MCTP2: variants seen among roughly 807,000 people sequenced by gnomAD.
MCTP2 encodes the protein multiple C2 and transmembrane domain-containing protein 2.
Under a neutral mutation model 111.6 loss-of-function variants are expected in MCTP2, and 132 were observed. That is an observed-to-expected ratio of 1.18 (90% CI 1.03 to 1.37). The LOEUF is 1.37. Among genes scored for constraint, MCTP2 ranks in the 40% most tolerant of loss-of-function variants. The pLI is 0.00. For missense variants in MCTP2, 1,183 were observed against 1,067.9 expected, an observed-to-expected ratio of 1.11 and a Z score of -1.50; for synonymous variants, 395 against 387.7, an observed-to-expected ratio of 1.02 and a Z score of -0.22.
chr15:94,390,357 A>C (rs1436453719), intron 14 of MCTP2, among the ~76,000 whole-genome samples: 2 of 152,106 alleles, frequency 1.3e-5, no homozygotes, highest in Non-Finnish European at 2.9e-5. Flanking sequence ...TTAATCTTCT[A>C]ATCAGTAACA....
At chr15:94,349,359 TCTCA>T (rs2078172153) in intron 8 of MCTP2, among the ~76,000 whole-genome samples, 1 of 152,182 alleles carries the variant, frequency 6.6e-6, no homozygotes, top group Non-Finnish European at 1.5e-5. Flanking sequence ...CCCCAAAACC[TCTCA>T]CTGAGCACAT....
chr15:94,476,549 C>G, intron 21 of MCTP2, 147 bp from the exon 22 acceptor site: 1 of 530,176 alleles, frequency 1.9e-6, no homozygotes, highest in Non-Finnish European at 3.3e-6. Context: ...ATCCCCTCTC[C>G]CCCGAGTCAG....
At chr15:94,376,298 A>G (rs1326599511) in intron 12 of MCTP2, among the ~76,000 whole-genome samples, 3 of 152,188 alleles carry the variant, frequency 2.0e-5, no homozygotes, top group African/African-American at 7.2e-5. Flanking sequence ...ATTCAGCCTT[A>G]ACTAAACCAG....
chr15:94,435,694 C>T (rs28497760), intron 17 of MCTP2, among the ~76,000 whole-genome samples: 2,838 of 123,362 alleles, frequency 0.023, 255 homozygotes, highest in African/African-American at 0.078. Context: ...TGCAGTGGCG[C>T]GATCTCGGCT....
chr15:94,326,496 T>A (rs942579061), intron 4 of MCTP2, among the ~76,000 whole-genome samples: 1 of 152,178 alleles, frequency 6.6e-6, no homozygotes, highest in African/African-American at 2.4e-5. Context: ...AAAGACCTAT[T>A]TGTTGACCTA....
intron 1 of MCTP2, among the ~76,000 whole-genome samples, chr15:94,242,989 G>A (rs1387153027): frequency 1.0e-5 from 1 of 95,318 alleles, no homozygotes; most frequent in African/African-American, 4.2e-5. Flanking sequence ...ACATACACGT[G>A]TATATGTGTA....
At chr15:94,258,611 G>A (rs950850469) in intron 1 of MCTP2, among the ~76,000 whole-genome samples, 2 of 152,152 alleles carry the variant, frequency 1.3e-5, no homozygotes, top group East Asian at 1.9e-4. Flanking sequence ...GGTAGTTACC[G>A]AAAACCCTAT....
intron 1 of MCTP2, among the ~76,000 whole-genome samples, chr15:94,265,376 C>A (rs1234935895): frequency 6.6e-6 from 1 of 152,142 alleles, no homozygotes; most frequent in Non-Finnish European, 1.5e-5. Context: ...CAAGGGGTCA[C>A]GTGGACTTGG....
At chr15:94,259,782 T>C (rs2073071501) in intron 1 of MCTP2, among the ~76,000 whole-genome samples, 1 of 152,214 alleles carries the variant, frequency 6.6e-6, no homozygotes, top group African/African-American at 2.4e-5. Context: ...AGGATACTGC[T>C]TTTTGATGGA....
At chr15:94,345,938 T>C (rs1202593713) in intron 8 of MCTP2, among the ~76,000 whole-genome samples, 1 of 152,144 alleles carries the variant, frequency 6.6e-6, no homozygotes, top group African/African-American at 2.4e-5. Context: ...TGGTGGTGTG[T>C]GTGATCGGAA....
intron 17 of MCTP2, among the ~76,000 whole-genome samples, chr15:94,427,567 G>A (rs191598972): frequency 6.6e-6 from 1 of 152,256 alleles, no homozygotes; most frequent in Admixed American, 6.5e-5. Context: ...CACGAGAACA[G>A]CAAGGGAGAG....
At chr15:94,245,318 A>T (rs1024726417) in intron 1 of MCTP2, among the ~76,000 whole-genome samples, 1 of 141,908 alleles carries the variant, frequency 7.0e-6, no homozygotes, top group African/African-American at 2.5e-5. Context: ...ATATGTACAT[A>T]TATTTACATA....
intron 12 of MCTP2, among the ~76,000 whole-genome samples, chr15:94,382,603 G>A (rs2080206388): frequency 6.6e-6 from 1 of 152,250 alleles, no homozygotes; most frequent in African/African-American, 2.4e-5. Context: ...GCAAGTATCA[G>A]TATCTCTATT....
At chr15:94,396,452 GTATA>G (rs1032700860) in intron 14 of MCTP2, among the ~76,000 whole-genome samples, 1 of 151,864 alleles carries the variant, frequency 6.6e-6, no homozygotes, top group Non-Finnish European at 1.5e-5. Flanking sequence ...GTGTGTGTGT[GTATA>G]TATATATGTT....
intron 1 of MCTP2, among the ~76,000 whole-genome samples, chr15:94,280,920 G>A (rs1359275426): frequency 5.3e-5 from 8 of 151,692 alleles, no homozygotes; most frequent in Non-Finnish European, 1.2e-4. Flanking sequence ...TTTTGTTTTC[G>A]TTTTTGTTTT....
At chr15:94,437,886 C>T (rs907828897) in intron 17 of MCTP2, among the ~76,000 whole-genome samples, 1 of 151,480 alleles carries the variant, frequency 6.6e-6, no homozygotes, top group African/African-American at 2.4e-5. Flanking sequence ...GGGATCATTA[C>T]AGGAATTTAG....
At chr15:94,404,076 T>C (rs2081762843) in intron 17 of MCTP2, among the ~76,000 whole-genome samples, 1 of 152,208 alleles carries the variant, frequency 6.6e-6, no homozygotes, top group Admixed American at 6.5e-5. Context: ...ATTTAGACCA[T>C]GTGTATGTTG....
rs758490247 is a variant in MCTP2, at chr15:94,440,178, A to G, written c.2088A>G (p.Val696=). The stretch of plus-strand genomic sequence containing the variant: ...ATTCTTATTTGTCTTTCAATCAGGT[A>G]TTTTTGATCACTGTCTGGAATTTTG... ...STLRSTIAFA[V]FLITVWNFEL... is the part of the protein sequence containing the mutation. The change falls in exon 18 of 23, where the codon GTA becomes GTG. Residue 696 remains valine (V), a splice_region_variant and synonymous_variant. Transcript: ENST00000357742. 8 of 1,613,864 alleles carry G rather than the reference A, an allele frequency of 5.0e-6. No individual in the cohort carries two copies. The highest frequency in any genetic ancestry group is 6.8e-6 in the Non-Finnish European group (8 of 1,179,898).
At chr15:94,458,071 T>C in intron 19 of MCTP2, 66 bp from the exon 20 acceptor site, 1 of 858,646 alleles carries the variant, frequency 1.2e-6, no homozygotes, top group Non-Finnish European at 2.0e-6. Flanking sequence ...CATGTTATAA[T>C]ATTTTCTGTA....
Sources: allele counts gnomAD v4.1 joint callset (sites outside exome capture counted in the v4.1 genomes callset), GRCh38; gene constraint gnomAD v4.1.1; transcripts MANE v1.5; gene names NCBI Gene and HGNC (gene_info 2026-07-23, HGNC 2026-07-21).